DENND1B: variants seen among roughly 807,000 people sequenced by gnomAD.
The protein encoded by DENND1B is DENN domain-containing protein 1B.
In DENND1B, 59 loss-of-function variants were observed where a neutral mutation model predicts 90.1. The ratio of observed to expected loss-of-function variants is 0.65; its 90% CI spans 0.53 to 0.81. The LOEUF (loss-of-function observed/expected upper bound fraction) is 0.81, where lower values mean the gene tolerates loss of function less well. DENND1B is among the 40% of genes least tolerant of loss of function. The pLI is 0.00. For synonymous variants in DENND1B, 337 were observed against 324.6 expected, an observed-to-expected ratio of 1.04 and a Z score of -0.41; for missense variants, 862 against 912.6, an observed-to-expected ratio of 0.94 and a Z score of 0.71.
Position 197,651,023 on chromosome 1 carries a change from A to T in DENND1B, c.447+1212T>A, listed in dbSNP as rs955602865. 3.3e-5 allele frequency among the ~76,000 whole-genome samples: 5 copies of T among 152,176 alleles called. No individual in the cohort carries two copies. The East Asian group carries it at 9.6e-4, about 29-fold the overall frequency. On this transcript the variant is annotated intron_variant, in intron 7 of 22. Coordinates refer to ENST00000620048, the MANE Select transcript of DENND1B (RefSeq NM_001195215.2). ...TACCCCAATAACTTATGGAAAAATTAAAAAATTAATTAATTTTTAAAAAGA... is the reference window on the plus strand; with the variant it reads ...TACCCCAATAACTTATGGAAAAATTTAAAAATTAATTAATTTTTAAAAAGA...
At chr1:197,750,595 TAGATAGA>T (rs979574390) in intron 2 of DENND1B, among the ~76,000 whole-genome samples, 1 of 151,798 alleles carries the variant, frequency 6.6e-6, no homozygotes, top group Admixed American at 6.6e-5. Flanking sequence ...GATAGATAGA[TAGATAGA>T]TAGATAGATA....
At chr1:197,542,424 A>C (rs938612347) in intron 18 of DENND1B, among the ~76,000 whole-genome samples, 1 of 152,220 alleles carries the variant, frequency 6.6e-6, no homozygotes, top group Non-Finnish European at 1.5e-5. Context: ...AGTATGTTCA[A>C]AGTGCAGAGC....
chr1:197,665,122 G>A (rs558775113), intron 5 of DENND1B, among the ~76,000 whole-genome samples: 32 of 152,172 alleles, frequency 2.1e-4, no homozygotes, highest in African/African-American at 7.5e-4. Context: ...GAACAGAACA[G>A]TGGCTCAAAA....
chr1:197,571,170 C>T (rs1419582850), intron 15 of DENND1B, among the ~76,000 whole-genome samples: 4 of 152,228 alleles, frequency 2.6e-5, no homozygotes, highest in African/African-American at 4.8e-5. Context: ...TGGACTTTTG[C>T]CACCTCTCTC....
intron 3 of DENND1B, among the ~76,000 whole-genome samples, chr1:197,706,125 G>C (rs754243010): frequency 6.6e-6 from 1 of 152,118 alleles, no homozygotes; most frequent in Non-Finnish European, 1.5e-5. Flanking sequence ...TTTCATGTTT[G>C]CAAATGGTGA....
At chr1:197,547,498 G>C (rs1374270098) in intron 16 of DENND1B, among the ~76,000 whole-genome samples, 1 of 152,088 alleles carries the variant, frequency 6.6e-6, no homozygotes, top group African/African-American at 2.4e-5. Flanking sequence ...ATTCACTTCT[G>C]TATTTAAAAT....
At chr1:197,526,491 GA>G (rs1277528368) in intron 20 of DENND1B, among the ~76,000 whole-genome samples, 14 of 152,054 alleles carry the variant, frequency 9.2e-5, no homozygotes, top group African/African-American at 3.1e-4. Context: ...AAATATTAAT[GA>G]TGTGATTACT....
chr1:197,552,872 C>A (rs1671357100), intron 16 of DENND1B, 150 bp downstream of exon 16: 1 of 1,422,154 alleles, frequency 7.0e-7, no homozygotes, highest in Non-Finnish European at 9.1e-7. Flanking sequence ...AATTCCATAG[C>A]TTTTATAAGA....
At chr1:197,525,590 G>C (rs1021845322) in intron 20 of DENND1B, among the ~76,000 whole-genome samples, 1 of 152,020 alleles carries the variant, frequency 6.6e-6, no homozygotes, top group Non-Finnish European at 1.5e-5. Context: ...TTAGAAGTCA[G>C]TACTGAAGAA....
In DENND1B at chr1:197,617,679, T is replaced by G. The variant is rs1467833071; in HGVS notation, c.753A>C (p.Pro251=). The G allele has an allele frequency of 2.5e-6, 4 of 1,607,206 alleles. No individual in the cohort carries two copies. In the Admixed American group the frequency reaches 5.0e-5, roughly 20 times the overall value. The change falls in exon 11 of 23, where the codon CCA becomes CCC. Residue 251 remains proline, a synonymous_variant. Transcript: ENST00000620048. ...WQHIYIPVLP[P]HLLDYCCAPM... is the part of the protein sequence containing the mutation. The stretch of plus-strand genomic sequence containing the variant: ...CTTACCAGCAGTAGTCCAGCAGGTG[T>G]GGAGGAAGCACTGGGATGTATATGT...
chr1:197,616,711 A>G (rs1162023250), intron 11 of DENND1B, among the ~76,000 whole-genome samples: 1 of 151,128 alleles, frequency 6.6e-6, no homozygotes, highest in Admixed American at 6.6e-5. Flanking sequence ...TCTGCCTTTT[A>G]TGAAATAAGA....
chr1:197,527,386 G>A (rs1199682621), intron 20 of DENND1B, among the ~76,000 whole-genome samples: 2 of 149,530 alleles, frequency 1.3e-5, no homozygotes, highest in Non-Finnish European at 3.0e-5. Context: ...GGGTTCAAGT[G>A]ATTCTCCTGC....
At chr1:197,736,142 A>G in intron 2 of DENND1B, 1 of 620,572 alleles carries the variant, frequency 1.6e-6, no homozygotes, top group Non-Finnish European at 2.9e-6. Flanking sequence ...TAAATATTGG[A>G]CTTAAAAAAA....
At chr1:197,707,617 A>G (rs1659696711) in intron 3 of DENND1B, among the ~76,000 whole-genome samples, 1 of 137,612 alleles carries the variant, frequency 7.3e-6, no homozygotes, top group Admixed American at 7.2e-5. Context: ...ATATATACAT[A>G]TATAATATAA....
At chr1:197,610,190 T>C (rs1354652181) in intron 12 of DENND1B, among the ~76,000 whole-genome samples, 2 of 150,578 alleles carry the variant, frequency 1.3e-5, no homozygotes, top group African/African-American at 4.8e-5. Context: ...AATACAGAGA[T>C]TTCAACCAGT....
At chr1:197,585,560 A>G (rs566708370) in intron 14 of DENND1B, among the ~76,000 whole-genome samples, 3 of 152,318 alleles carry the variant, frequency 2.0e-5, no homozygotes, top group African/African-American at 7.2e-5. Context: ...CAATCTCTCC[A>G]GAGAACAGGT....
chr1:197,762,853 C>T (rs1274780456), intron 2 of DENND1B, among the ~76,000 whole-genome samples: 4 of 152,092 alleles, frequency 2.6e-5, no homozygotes, highest in Non-Finnish European at 5.9e-5. Flanking sequence ...TACTCCAGGC[C>T]CATCCATGTT....
At position 197,681,440 on chromosome 1, in the gene DENND1B, G is replaced by A. The variant is rs114687591; in HGVS notation, c.127-7271C>T. Among the ~76,000 whole-genome samples the A allele has an allele frequency of 5.8e-3, 882 of 152,072 alleles. 9 individuals carry two copies. The highest frequency in any genetic ancestry group is 0.02 in the African/African-American group (815 of 41,492). ...TCAACAGATATTTTCAATTTAAGGG[G>A]GACATACTGATCAAATTCTTTTATT... On this transcript the variant is annotated intron_variant, in intron 3 of 22. Coordinates refer to ENST00000620048, the MANE Select transcript of DENND1B (RefSeq NM_001195215.2).
intron 10 of DENND1B, among the ~76,000 whole-genome samples, chr1:197,632,106 T>C (rs1183698983): frequency 1.3e-5 from 2 of 152,150 alleles, no homozygotes; most frequent in Non-Finnish European, 2.9e-5. Flanking sequence ...CTTTTATTAC[T>C]GTAACAATCT....
Sources: allele counts gnomAD v4.1 joint callset (sites outside exome capture counted in the v4.1 genomes callset), GRCh38; gene constraint gnomAD v4.1.1; transcripts MANE v1.5; gene names NCBI Gene and HGNC (gene_info 2026-07-23, HGNC 2026-07-21).